The following MBD5 variants were observed in gnomAD, a reference collection of about 807,000 sequenced individuals.
MBD5 encodes methyl-CpG binding domain protein 5.
A neutral mutation model predicts 117.3 loss-of-function variants in MBD5; 13 were observed. The ratio of observed to expected loss-of-function variants is 0.11; its 90% CI spans 0.07 to 0.18. MBD5 has a LOEUF of 0.18. Ranked by LOEUF, MBD5 falls within the 10% of genes least tolerant of loss-of-function variation. The probability of loss-of-function intolerance (pLI) is 1.00; values close to 1 mark genes in which losing one functional copy is unlikely to be tolerated. For missense variants in MBD5, 1,879 were observed against 2,093.8 expected, an observed-to-expected ratio of 0.90 and a Z score of 2.00; for synonymous variants, 727 against 766.4, an observed-to-expected ratio of 0.95 and a Z score of 0.85.
chr2:148,343,945 T>G (rs1431268797), intron 4 of MBD5, among the ~76,000 whole-genome samples: 1 of 152,110 alleles, frequency 6.6e-6, no homozygotes, highest in Admixed American at 6.6e-5. Context: ...GTTTGAGTTC[T>G]TACATTGAAA....
intron 4 of MBD5, among the ~76,000 whole-genome samples, chr2:148,406,360 TG>T (rs1705077039): frequency 6.6e-6 from 1 of 152,222 alleles, no homozygotes; most frequent in African/African-American, 2.4e-5. Flanking sequence ...CAATTATTCC[TG>T]TTATTATTGG....
At chr2:148,084,757 A>ATTTTTG (rs1466838939) in intron 1 of MBD5, among the ~76,000 whole-genome samples, 1 of 152,210 alleles carries the variant, frequency 6.6e-6, no homozygotes, top group Non-Finnish European at 1.5e-5. Flanking sequence ...AATACAGGGT[A>ATTTTTG]TCATGTAAAA....
chr2:148,092,675 G>A (rs551964519), intron 1 of MBD5, among the ~76,000 whole-genome samples: 11 of 152,106 alleles, frequency 7.2e-5, no homozygotes, highest in African/African-American at 2.4e-4. Context: ...GTAAGGGTTG[G>A]GGGGTGAGGG....
chr2:148,430,537 C>G (rs574772693), intron 4 of MBD5, among the ~76,000 whole-genome samples: 9 of 152,088 alleles, frequency 5.9e-5, no homozygotes, highest in Non-Finnish European at 1.0e-4. Flanking sequence ...TCATTAATTT[C>G]TTGCCTATTT....
chr2:148,375,468 A>G (rs1574349910), intron 4 of MBD5, among the ~76,000 whole-genome samples: 3 of 152,306 alleles, frequency 2.0e-5, no homozygotes, highest in South Asian at 4.1e-4. Flanking sequence ...TCCCCAAGGA[A>G]CCTGATTAGT....
At chr2:148,149,744 A>C (rs1697588497) in intron 1 of MBD5, among the ~76,000 whole-genome samples, 1 of 152,138 alleles carries the variant, frequency 6.6e-6, no homozygotes, top group African/African-American at 2.4e-5. Context: ...TCTTCTTTTG[A>C]GAAGTGTCTG....
chr2:148,037,532 T>G (rs570004135), intron 1 of MBD5, among the ~76,000 whole-genome samples: 2 of 151,898 alleles, frequency 1.3e-5, no homozygotes, highest in African/African-American at 4.8e-5. Flanking sequence ...AATGAGACAG[T>G]TAGAGACATC....
At chr2:148,231,213 G>C (rs1183322909) in intron 2 of MBD5, among the ~76,000 whole-genome samples, 1 of 152,200 alleles carries the variant, frequency 6.6e-6, no homozygotes, top group Non-Finnish European at 1.5e-5. Context: ...AGGCTTGCAG[G>C]AACTCAAGTT....
rs1448147479 is a variant in MBD5, at chr2:148,515,734, C to T, written c.*2793C>T. 1.3e-5 allele frequency: 2 copies of T among 151,996 alleles called. No homozygotes were observed. The highest frequency in any genetic ancestry group is 4.8e-5 in the African/African-American group (2 of 41,374). 9.4% of individuals were successfully genotyped at this position (151,996 alleles called of 1,614,324 possible). On this transcript the variant is annotated 3_prime_UTR_variant, in exon 14 of 14. Coordinates refer to ENST00000642680, the MANE Select transcript of MBD5 (RefSeq NM_001378120.1). ...TTCTTCTTTAAAGAACATAATAGTT[C>T]CTGCTGGAAAAGGAAATCTAATTTT...
At chr2:148,255,927 G>T (rs1281085849) in intron 3 of MBD5, among the ~76,000 whole-genome samples, 1 of 152,202 alleles carries the variant, frequency 6.6e-6, no homozygotes, top group African/African-American at 2.4e-5. Context: ...CAGTCTCAAC[G>T]GCCAGAGGGT....
chr2:148,211,529 C>T (rs1116618), intron 2 of MBD5, among the ~76,000 whole-genome samples: 2 of 151,330 alleles, frequency 1.3e-5, no homozygotes, highest in African/African-American at 4.9e-5. Flanking sequence ...TGATTATTTT[C>T]CTGTGTTTAT....
chr2:148,162,669 A>G (rs1196097388), intron 1 of MBD5, among the ~76,000 whole-genome samples: 1 of 152,146 alleles, frequency 6.6e-6, no homozygotes, highest in African/African-American at 2.4e-5. Context: ...TTAGCATTCT[A>G]AACACAACTT....
intron 1 of MBD5, among the ~76,000 whole-genome samples, chr2:148,176,592 A>T (rs1240508344): frequency 6.6e-6 from 1 of 151,914 alleles, no homozygotes; most frequent in Non-Finnish European, 1.5e-5. Context: ...TATTTTTAGT[A>T]GAGACAGGGT....
intron 4 of MBD5, among the ~76,000 whole-genome samples, chr2:148,390,359 C>G (rs772725557): frequency 9.3e-5 from 14 of 151,306 alleles, no homozygotes; most frequent in Non-Finnish European, 1.8e-4. Flanking sequence ...CCTTAAAGGC[C>G]GTATTTCTAT....
intron 1 of MBD5, among the ~76,000 whole-genome samples, chr2:148,115,743 G>C (rs1696620887): frequency 6.6e-6 from 1 of 151,990 alleles, no homozygotes. Context: ...GTCTTCTATG[G>C]TTTTTTGCCT....
chr2:148,511,922 T>C (rs1443451233), intron 13 of MBD5, among the ~76,000 whole-genome samples: 1 of 152,222 alleles, frequency 6.6e-6, no homozygotes, highest in East Asian at 1.9e-4. Flanking sequence ...TTGAGCCAAC[T>C]TGTAGTGGAT....
intron 3 of MBD5, among the ~76,000 whole-genome samples, chr2:148,288,166 C>T (rs916677044): frequency 6.7e-6 from 1 of 149,892 alleles, no homozygotes; most frequent in Non-Finnish European, 1.5e-5. Context: ...TTTGGGAGGC[C>T]GAGGCAGGCG....
In MBD5 at chr2:148,038,103, G is replaced by A. The variant is rs141985442; in HGVS notation, c.-925+16419G>A. On this transcript the variant is annotated intron_variant, in intron 1 of 13. Transcript: ENST00000642680. ...TAACAACTGGTATATCTGGTACCTC[G>A]GTCCCCTGCCTCCTAGTGTAATAAT... 3.8e-3 allele frequency among the ~76,000 whole-genome samples: 581 copies of A among 151,914 alleles called. 1 individual carries two copies. Among genetic ancestry groups the A allele is most frequent in the East Asian group, 9.7e-3 (50 of 5,174 alleles).
At position 148,512,885 on chromosome 2, in the gene MBD5, C is replaced by G. The variant is rs2105294920; in HGVS notation, c.5128C>G (p.Gln1710Glu). The change falls in exon 14 of 14, where the codon CAG becomes GAG. Residue 1710 changes from glutamine (Q) to glutamate (E), a missense_variant. This residue lies in a region of MBD5 where 135 missense variants were observed against 148.0 expected (regional missense o/e 0.91). Coordinates refer to ENST00000642680, the MANE Select transcript of MBD5 (RefSeq NM_001378120.1). ...KMSGTVHQIP[Q>E]GDRQMRPPKP... ...TTATTTCCAGGTACACCAAATCCCA[C>G]AGGGTGACAGACAAATGAGACCCCC... The G allele has an allele frequency of 6.2e-7, 1 of 1,613,762 alleles. No homozygotes were observed. Among genetic ancestry groups the G allele is most frequent in the Non-Finnish European group, 8.5e-7 (1 of 1,179,810 alleles).
Sources: allele counts gnomAD v4.1 joint callset (sites outside exome capture counted in the v4.1 genomes callset), GRCh38; gene constraint gnomAD v4.1.1; regional missense constraint gnomAD v4.1.1; transcripts MANE v1.5; gene names NCBI Gene and HGNC (gene_info 2026-07-23, HGNC 2026-07-21).